COMMD7: variants seen among roughly 807,000 people sequenced by gnomAD.
COMMD7 encodes the protein COMM domain-containing protein 7.
In COMMD7, 28 loss-of-function variants were observed where a neutral mutation model predicts 34.8. The observed-to-expected ratio is 0.80, with a 90% confidence interval of 0.60 to 1.10. The LOEUF (loss-of-function observed/expected upper bound fraction) is 1.10, where lower values mean the gene tolerates loss of function less well. Ranked by LOEUF, COMMD7 falls within the 50% of genes least tolerant of loss-of-function variation. COMMD7 has a pLI of 0.00. For synonymous variants in COMMD7, 80 were observed against 86.4 expected (o/e 0.93, Z 0.41); for missense variants, 211 against 241.6 (o/e 0.87, Z 0.84).
chr20:32,722,276 G>C (rs6058830), intron 3 of COMMD7, among the ~76,000 whole-genome samples: 3,045 of 125,342 alleles, frequency 0.024, 110 homozygotes, highest in African/African-American at 0.086. Context: ...AAAGGATACA[G>C]TGTGGTGGGG....
At chr20:32,733,875 CCTT>C (rs957318270) in intron 1 of COMMD7, among the ~76,000 whole-genome samples, 7 of 140,570 alleles carry the variant, frequency 5.0e-5, no homozygotes, top group Non-Finnish European at 9.3e-5. Flanking sequence ...GAGTGGAACT[CCTT>C]CTCAAAAAAA....
intron 3 of COMMD7, among the ~76,000 whole-genome samples, chr20:32,707,625 A>AT (rs879335470): frequency 8.7e-5 from 13 of 148,964 alleles, no homozygotes; most frequent in South Asian, 4.3e-4. Flanking sequence ...CCTGGCACAT[A>AT]TTTTTTTTTT....
Position 32,743,419 on chromosome 20 carries a change from A to ACCGCCG in COMMD7, c.-34_-29dup. On this transcript the variant is annotated 5_prime_UTR_variant, in exon 1 of 9. Transcript: ENST00000278980. ...CGCGCGCCCCAGCCCCGCAGGTTCC[A>ACCGCCG]CCGCCGCCGCCGCCCTGCTCAGCTT... 4.6e-6 allele frequency: 6 copies of ACCGCCG among 1,317,752 alleles called. No homozygotes were observed. Among genetic ancestry groups the ACCGCCG allele is most frequent in the Non-Finnish European group, 5.8e-6 (6 of 1,037,462 alleles). The allele number at this position is 1,317,752 out of a possible 1,614,324, so 81.6% of individuals were successfully genotyped here. A position where few individuals can be genotyped will look rare whatever the true frequency, so the allele number is the denominator to read the frequency against.
intron 1 of COMMD7, among the ~76,000 whole-genome samples, chr20:32,736,996 C>A (rs1986159066): frequency 6.6e-6 from 1 of 151,904 alleles, no homozygotes; most frequent in Non-Finnish European, 1.5e-5. Flanking sequence ...GCCTGACCAA[C>A]ATGGTGAAAC....
intron 1 of COMMD7, among the ~76,000 whole-genome samples, chr20:32,729,835 T>C (rs552713746): frequency 7.1e-6 from 1 of 141,480 alleles, no homozygotes; most frequent in South Asian, 2.5e-4. Flanking sequence ...TGAAACCCCG[T>C]CTCTACTAAA....
intron 1 of COMMD7, among the ~76,000 whole-genome samples, chr20:32,732,329 A>G (rs2145774584): frequency 6.6e-6 from 1 of 152,238 alleles, no homozygotes; most frequent in South Asian, 2.1e-4. Context: ...GGGCTCAAGC[A>G]ATCCTCCTGC....
chr20:32,727,277 G>C (rs192019352), intron 3 of COMMD7, among the ~76,000 whole-genome samples: 1 of 151,928 alleles, frequency 6.6e-6, no homozygotes, highest in East Asian at 1.9e-4. Context: ...GGCCGGGTAC[G>C]GTGGCTCACG....
chr20:32,721,112 A>G (rs1307622815), intron 3 of COMMD7, among the ~76,000 whole-genome samples: 1 of 152,190 alleles, frequency 6.6e-6, no homozygotes, highest in Non-Finnish European at 1.5e-5. Context: ...TGTGAACTCA[A>G]GCGATTTGGG....
At chr20:32,727,755 G>T in intron 3 of COMMD7, 138 bp downstream of exon 3, 1 of 694,808 alleles carries the variant, frequency 1.4e-6, no homozygotes, top group Non-Finnish European at 2.6e-6. Context: ...GCTCCCTCCA[G>T]AGACAGAGTC....
At chr20:32,738,909 AT>A (rs1000841373) in intron 1 of COMMD7, among the ~76,000 whole-genome samples, 1 of 150,384 alleles carries the variant, frequency 6.6e-6, no homozygotes, top group Non-Finnish European at 1.5e-5. Context: ...TTTTTATCTT[AT>A]TGTAGAGATG....
intron 3 of COMMD7, among the ~76,000 whole-genome samples, chr20:32,708,708 C>A (rs1354597097): frequency 9.7e-6 from 1 of 102,894 alleles, no homozygotes; most frequent in African/African-American, 3.8e-5. Flanking sequence ...ATCGCCCAGG[C>A]TGGAGTGCAG....
intron 3 of COMMD7, among the ~76,000 whole-genome samples, chr20:32,717,321 ATTTTTTTTTTT>A (rs59777332): frequency 2.1e-5 from 3 of 141,424 alleles, no homozygotes; most frequent in Middle Eastern, 3.5e-3. Context: ...TGCCCAGTTA[ATTTTTTTTTTT>A]TTTTTTTTTT....
rs374032270 is a variant in COMMD7 at position 32,703,995 on chromosome 20, A to G, written c.526+28T>C. ...ATTGCAGAGAACACAAAAAAGGTGA[A>G]GAGGCTCAAGTGGGAATTCAGACTC... On this transcript the variant is annotated intron_variant, in intron 8 of 8. Coordinates refer to ENST00000278980, the MANE Select transcript of COMMD7 (RefSeq NM_053041.3). The G allele has an allele frequency of 2.6e-5, 42 of 1,613,970 alleles. No individual in the cohort carries two copies. The Middle Eastern group carries it at 4.9e-4, about 19-fold the overall frequency.
At position 32,706,707 on chromosome 20, in the gene COMMD7, G is replaced by C; in HGVS notation, c.295C>G (p.Leu99Val). The C allele has an allele frequency of 6.2e-7, 1 of 1,613,992 alleles. No individual in the cohort carries two copies. Among genetic ancestry groups the C allele is most frequent in the Non-Finnish European group, 8.5e-7 (1 of 1,179,970 alleles). Residue 99 changes from leucine (L) to valine (V), a missense_variant, in exon 4 of 9, where the codon CTG becomes GTG. Physicochemically the swap from Leu to Val is conservative, Grantham distance 32. Coordinates refer to ENST00000278980, the MANE Select transcript of COMMD7 (RefSeq NM_053041.3). ...AKQVQADFIT[L>V]GLSEEKATYF... ...GCAACCCTGGCCAATGACCTACCCAGAGTTATGAAATCCGCCTGGACCTGC... is the reference window on the plus strand; with the variant it reads ...GCAACCCTGGCCAATGACCTACCCACAGTTATGAAATCCGCCTGGACCTGC...
intron 5 of COMMD7, among the ~76,000 whole-genome samples, chr20:32,706,017 G>A (rs1984054448): frequency 1.3e-5 from 2 of 151,752 alleles, no homozygotes; most frequent in African/African-American, 4.8e-5. Context: ...TGACCAACAT[G>A]GTGAAACCCC....
At chr20:32,713,356 A>G (rs571846892) in intron 3 of COMMD7, among the ~76,000 whole-genome samples, 1 of 152,326 alleles carries the variant, frequency 6.6e-6, no homozygotes, top group Admixed American at 6.5e-5. Context: ...GGCAACAGGC[A>G]CCAATTTTCA....
chr20:32,704,302 T>A (rs1983924296), intron 7 of COMMD7, 138 bp downstream of exon 7: 1 of 844,496 alleles, frequency 1.2e-6, no homozygotes, highest in Middle Eastern at 3.6e-4. Context: ...GACTACATCT[T>A]TAGCTGGCCA....
At chr20:32,729,607 C>G (rs1985720249) in intron 1 of COMMD7, among the ~76,000 whole-genome samples, 1 of 119,076 alleles carries the variant, frequency 8.4e-6, no homozygotes, top group South Asian at 3.0e-4. Context: ...ACAGCAAGAC[C>G]CCACCTCTTA....
Position 32,725,451 on chromosome 20 carries a change from C to T in COMMD7, c.241+2442G>A, listed in dbSNP as rs562141790. On this transcript the variant is annotated intron_variant, in intron 3 of 8. Coordinates refer to ENST00000278980, the MANE Select transcript of COMMD7 (RefSeq NM_053041.3). ...GTTTTGTTTTTTTTTTTTTTTGAGA[C>T]GGAGTGTTGCTCCGTCGCCCAGGCT... is the stretch of plus-strand genomic sequence containing the variant. Among the ~76,000 whole-genome samples the T allele has an allele frequency of 6.1e-5, 6 of 97,940 alleles. No individual in the cohort carries two copies. The South Asian group carries it at 1.7e-3, about 27-fold the overall frequency. The allele number at this position is 97,940 out of a possible 152,430, so 64.3% of individuals were successfully genotyped here.
Sources: gnomAD v4.1 joint callset for allele counts (sites outside exome capture counted in the v4.1 genomes callset) on GRCh38, gnomAD v4.1.1 for gene constraint, MANE v1.5 for transcripts, NCBI Gene and HGNC (gene_info 2026-07-23, HGNC 2026-07-21) for gene names.